DOCK4: variants seen among roughly 807,000 people sequenced by gnomAD.
DOCK4 encodes the protein dedicator of cytokinesis 4, also known as dedicator of cytokinesis protein 4.
In DOCK4, 97 loss-of-function variants were observed where a neutral mutation model predicts 268.1. That is an observed-to-expected ratio of 0.36 (90% CI 0.31 to 0.43). The LOEUF (loss-of-function observed/expected upper bound fraction) is 0.43. DOCK4 is among the 20% of genes least tolerant of loss of function. DOCK4 has a pLI of 1.00. For synonymous variants in DOCK4, 954 were observed against 887.2 expected, an observed-to-expected ratio of 1.08 and a Z score of -1.34; for missense variants, 2,145 against 2,455.7, an observed-to-expected ratio of 0.87 and a Z score of 2.67.
intron 8 of DOCK4, among the ~76,000 whole-genome samples, chr7:111,947,805 C>G (rs911270591): frequency 1.3e-5 from 2 of 152,088 alleles, no homozygotes; most frequent in African/African-American, 4.8e-5. Context: ...CTCACTGCAA[C>G]CTCTGCCTCC....
intron 1 of DOCK4, among the ~76,000 whole-genome samples, chr7:112,131,528 A>C (rs1384409211): frequency 2.0e-5 from 3 of 152,172 alleles, no homozygotes; most frequent in African/African-American, 7.2e-5. Flanking sequence ...CCCAGCCCCA[A>C]AGACAATACC....
intron 36 of DOCK4, among the ~76,000 whole-genome samples, chr7:111,772,901 G>A (rs756179102): frequency 3.3e-5 from 5 of 152,168 alleles, no homozygotes; most frequent in Admixed American, 1.3e-4. Context: ...TGGGATGGGC[G>A]GAATGCCAGG....
intron 52 of DOCK4, among the ~76,000 whole-genome samples, chr7:111,731,303 G>A (rs556727053): frequency 3.3e-5 from 5 of 152,262 alleles, no homozygotes; most frequent in South Asian, 2.1e-4. Flanking sequence ...AGCAACTATC[G>A]TTAGCACCAC....
intron 1 of DOCK4, among the ~76,000 whole-genome samples, chr7:112,167,437 A>T (rs1382304845): frequency 1.3e-5 from 2 of 152,226 alleles, no homozygotes; most frequent in African/African-American, 4.8e-5. Flanking sequence ...TTTACAAAAA[A>T]AAAAATGTTT....
At chr7:112,035,083 T>C (rs746428802) in intron 1 of DOCK4, among the ~76,000 whole-genome samples, 9 of 152,132 alleles carry the variant, frequency 5.9e-5, no homozygotes, top group Admixed American at 4.6e-4. Context: ...CTGTACTCCA[T>C]TCCAGCTGAG....
At chr7:111,810,924 C>G (rs56397790) in intron 28 of DOCK4, among the ~76,000 whole-genome samples, 11,226 of 152,162 alleles carry the variant, frequency 0.074, 1,405 homozygotes, top group African/African-American at 0.26. Context: ...ATCGCTTGAA[C>G]CTGGGAGGCG....
intron 15 of DOCK4, among the ~76,000 whole-genome samples, chr7:111,899,576 C>G (rs912722759): frequency 6.6e-6 from 1 of 152,178 alleles, no homozygotes; most frequent in Non-Finnish European, 1.5e-5. Flanking sequence ...TTATGGATAG[C>G]AATGCCCATG....
At chr7:111,930,367 A>G (rs566614462) in intron 12 of DOCK4, among the ~76,000 whole-genome samples, 2 of 152,318 alleles carry the variant, frequency 1.3e-5, no homozygotes, top group African/African-American at 2.4e-5. Context: ...GAATCCCTTT[A>G]TCTATTAACC....
At chr7:112,038,726 A>C (rs1009016067) in intron 1 of DOCK4, among the ~76,000 whole-genome samples, 18 of 152,214 alleles carry the variant, frequency 1.2e-4, no homozygotes, top group African/African-American at 3.9e-4. Flanking sequence ...CTAGGAGAAG[A>C]AGCTAGATAA....
intron 22 of DOCK4, among the ~76,000 whole-genome samples, chr7:111,865,746 CAGG>C (rs1805922659): frequency 2.0e-5 from 3 of 152,296 alleles, no homozygotes; most frequent in Admixed American, 6.5e-5. Flanking sequence ...TGGCTGGTAG[CAGG>C]AGAAGTAGTC....
intron 1 of DOCK4, among the ~76,000 whole-genome samples, chr7:112,027,113 G>T (rs2135438865): frequency 6.6e-6 from 1 of 152,256 alleles, no homozygotes; most frequent in South Asian, 2.1e-4. Context: ...AAATACATTG[G>T]AGAAATCTGA....
chr7:112,128,147 T>G (rs1200832672), intron 1 of DOCK4, among the ~76,000 whole-genome samples: 1 of 152,312 alleles, frequency 6.6e-6, no homozygotes, highest in East Asian at 1.9e-4. Context: ...CTGGCAAGGG[T>G]AGATTCCAGT....
chr7:111,772,632 C>T (rs550259436), intron 36 of DOCK4, among the ~76,000 whole-genome samples: 201 of 151,910 alleles, frequency 1.3e-3, no homozygotes, highest in Non-Finnish European at 2.4e-3. Context: ...CCTGTCTCTA[C>T]TAAAAATACA....
intron 30 of DOCK4, among the ~76,000 whole-genome samples, chr7:111,801,375 T>G (rs1274296757): frequency 6.6e-6 from 1 of 152,244 alleles, no homozygotes; most frequent in Non-Finnish European, 1.5e-5. Context: ...GGGAGCTGTT[T>G]TCTTCTTTCT....
rs1357077566 is a variant in DOCK4 at position 111,834,432 on chromosome 7, T to C, written c.2835+156A>G. 3.9e-5 allele frequency among the ~76,000 whole-genome samples: 6 copies of C among 152,138 alleles called. No individual in the cohort carries two copies. The East Asian group carries it at 9.7e-4, about 24-fold the overall frequency. Reference sequence around the variant, plus strand: ...TAATAGAAATCTTTAAAAGCCAATATAGATGAGCAGATCTGTGGATGAGGC... The same window carrying C: ...TAATAGAAATCTTTAAAAGCCAATACAGATGAGCAGATCTGTGGATGAGGC... On this transcript the variant is annotated intron_variant, in intron 26 of 52. Coordinates refer to ENST00000428084, the MANE Select transcript of DOCK4 (RefSeq NM_001363540.2).
At chr7:111,993,824 C>T (rs941144711) in intron 5 of DOCK4, among the ~76,000 whole-genome samples, 1 of 152,104 alleles carries the variant, frequency 6.6e-6, no homozygotes, top group African/African-American at 2.4e-5. Flanking sequence ...CCAAAATTGT[C>T]TTGAATTTTA....
chr7:111,919,477 A>G (rs1792918540), intron 12 of DOCK4, among the ~76,000 whole-genome samples: 1 of 152,170 alleles, frequency 6.6e-6, no homozygotes, highest in Non-Finnish European at 1.5e-5. Flanking sequence ...AGTGTGGGGA[A>G]AAGGAAAAGC....
chr7:112,112,175 G>A (rs140253285), intron 1 of DOCK4, among the ~76,000 whole-genome samples: 7 of 152,232 alleles, frequency 4.6e-5, no homozygotes, highest in East Asian at 3.9e-4. Context: ...GGGTCATGGC[G>A]GCAGATCCTT....
At chr7:112,018,540 A>C (rs1446162941) in intron 1 of DOCK4, among the ~76,000 whole-genome samples, 2 of 152,186 alleles carry the variant, frequency 1.3e-5, no homozygotes, top group Non-Finnish European at 2.9e-5. Flanking sequence ...AAGCTAATGA[A>C]ATTAGCTTTC....
Sources: gnomAD v4.1 joint callset for allele counts (sites outside exome capture counted in the v4.1 genomes callset) on GRCh38, gnomAD v4.1.1 for gene constraint, MANE v1.5 for transcripts, NCBI Gene and HGNC (gene_info 2026-07-23, HGNC 2026-07-21) for gene names.